Variants in TNFRSF8 observed in about 807,000 individuals in gnomAD.
TNFRSF8 encodes the protein TNF receptor superfamily member 8.
In TNFRSF8, 26 loss-of-function variants were observed where a neutral mutation model predicts 70.8. The ratio of observed to expected loss-of-function variants is 0.37; its 90% CI spans 0.27 to 0.51. The LOEUF (loss-of-function observed/expected upper bound fraction) is 0.51, where lower values mean the gene tolerates loss of function less well. Ranked by LOEUF, TNFRSF8 falls within the 20% of genes least tolerant of loss-of-function variation. The pLI is 0.94. For synonymous variants in TNFRSF8, 356 were observed against 339.2 expected, an observed-to-expected ratio of 1.05 and a Z score of -0.54; for missense variants, 720 against 807.9, an observed-to-expected ratio of 0.89 and a Z score of 1.32.
chr1:12,093,658 A>G (rs1815529), intron 2 of TNFRSF8, among the ~76,000 whole-genome samples: 3,970 of 152,076 alleles, frequency 0.026, 173 homozygotes, highest in African/African-American at 0.086. Context: ...CTCCTGCCTC[A>G]GCCTCCCAGG....
At chr1:12,131,657 C>G (rs1024301776) in intron 12 of TNFRSF8, among the ~76,000 whole-genome samples, 1 of 150,970 alleles carries the variant, frequency 6.6e-6, no homozygotes, top group Non-Finnish European at 1.5e-5. Flanking sequence ...CCACGCCCAG[C>G]TAACTTTTCT....
intron 4 of TNFRSF8, among the ~76,000 whole-genome samples, chr1:12,107,233 A>G (rs899621739): frequency 3.3e-5 from 5 of 152,306 alleles, no homozygotes; most frequent in African/African-American, 9.6e-5. Flanking sequence ...CGTCTCTACT[A>G]AAAATACAAA....
chr1:12,085,255 C>T (rs1421029541), intron 2 of TNFRSF8, among the ~76,000 whole-genome samples: 1 of 152,104 alleles, frequency 6.6e-6, no homozygotes, highest in African/African-American at 2.4e-5. Context: ...GGATTACCGG[C>T]ATGCACCACC....
intron 1 of TNFRSF8, 75 bp from the exon 2 acceptor site, chr1:12,084,389 C>T: frequency 7.3e-7 from 1 of 1,376,634 alleles, no homozygotes; most frequent in South Asian, 1.2e-5. Context: ...CTCAGGCCTC[C>T]TGGGACTGGT....
At chr1:12,118,117 C>A (rs72861995) in intron 8 of TNFRSF8, among the ~76,000 whole-genome samples, 15,349 of 151,716 alleles carry the variant, frequency 0.1, 1,144 homozygotes, top group African/African-American at 0.2. Flanking sequence ...CCCCCCCCAC[C>A]CTTTTCTTTT....
chr1:12,136,149 A>G (rs972932991), intron 13 of TNFRSF8, among the ~76,000 whole-genome samples: 13 of 150,842 alleles, frequency 8.6e-5, no homozygotes, highest in Admixed American at 2.6e-4. Context: ...AAGGGTTTCT[A>G]TCCTTTCATT....
In TNFRSF8 at chr1:12,123,335, C is replaced by A. The variant is rs777521542; in HGVS notation, c.998C>A (p.Pro333Gln). 8 of 1,613,432 alleles carry A rather than the reference C, an allele frequency of 5.0e-6. No individual in the cohort carries two copies. In the East Asian group the frequency reaches 1.8e-4, roughly 36 times the overall value. ...TFEAPPLGTQ[P>Q]DCNPTPENGE... ...GAGGCGCCACCCCTGGGGACCCAGC[C>A]GGACTGCAACCCCACCCCAGAGAAT... Residue 333 changes from proline to glutamine, a missense_variant, in exon 9 of 15, where the codon CCG becomes CAG. Physicochemically the swap from Pro to Gln is moderately conservative, Grantham distance 76. Coordinates refer to ENST00000263932, the MANE Select transcript of TNFRSF8 (RefSeq NM_001243.5).
rs1642183011 is a variant in TNFRSF8, at chr1:12,138,201, T to G, written c.1336-28T>G. On this transcript the variant is annotated intron_variant, in intron 13 of 14. Transcript: ENST00000263932. The surrounding 1 kb of genome is among the most constrained non-coding windows in gnomAD (Gnocchi z 5.7). ...ACTGGTGGGGAGGTTGGGGGTACCCTGCAGCAGCACCCATTCCCGTCCCAC... is the reference window on the plus strand; with the variant it reads ...ACTGGTGGGGAGGTTGGGGGTACCCGGCAGCAGCACCCATTCCCGTCCCAC... 6.2e-7 allele frequency: 1 copy of G among 1,608,236 alleles called. No individual in the cohort carries two copies. The highest frequency in any genetic ancestry group is 1.1e-5 in the South Asian group (1 of 90,864).
chr1:12,104,247 C>A, intron 3 of TNFRSF8, 132 bp from the exon 4 acceptor site: 2 of 881,756 alleles, frequency 2.3e-6, no homozygotes, highest in South Asian at 1.6e-5. Flanking sequence ...TTTTAGTGGT[C>A]ACCAGGGGGT....
rs11569854 is a variant in TNFRSF8, at chr1:12,104,751, C to G, written c.421+220C>G. Among the ~76,000 whole-genome samples, 435 of 152,300 alleles carry G rather than the reference C, an allele frequency of 2.9e-3. 3 individuals carry two copies. The highest frequency in any genetic ancestry group is 0.01 in the African/African-American group (416 of 41,562). On this transcript the variant is annotated intron_variant, in intron 4 of 14. Coordinates refer to ENST00000263932, the MANE Select transcript of TNFRSF8 (RefSeq NM_001243.5). ...CAGGTGCAGAGAGACCCTGCTGTCCCCTGGCATAGACCTGGCTGGAGGAGG... is the reference window on the plus strand; with the variant it reads ...CAGGTGCAGAGAGACCCTGCTGTCCGCTGGCATAGACCTGGCTGGAGGAGG...
intron 2 of TNFRSF8, among the ~76,000 whole-genome samples, chr1:12,091,582 A>G (rs1489426804): frequency 1.3e-5 from 2 of 152,164 alleles, no homozygotes; most frequent in Non-Finnish European, 1.5e-5. Context: ...TGATCAGGAA[A>G]GTTCCATGAG....
intron 12 of TNFRSF8, among the ~76,000 whole-genome samples, chr1:12,126,869 G>A (rs1178254287): frequency 6.6e-6 from 1 of 152,242 alleles, no homozygotes; most frequent in Non-Finnish European, 1.5e-5. Context: ...TGGAGTACCT[G>A]CCTGCAATCG....
rs981996924 is a variant in TNFRSF8 at position 12,104,632 on chromosome 1, C to T, written c.421+101C>T. The T allele has an allele frequency of 2.5e-5, 36 of 1,412,220 alleles. No individual in the cohort carries two copies. The East Asian group carries it at 3.3e-4, about 13-fold the overall frequency. The allele number at this position is 1,412,220 out of a possible 1,614,324, so 87.5% of individuals were successfully genotyped here. ...TGTTGACTTCCGACCTCCCGCTTCC[C>T]GGAGACTGTTGGACAGATCATGTCT... is the stretch of plus-strand genomic sequence containing the variant. On this transcript the variant is annotated intron_variant, in intron 4 of 14. Coordinates refer to ENST00000263932, the MANE Select transcript of TNFRSF8 (RefSeq NM_001243.5).
chr1:12,104,385 T>G lies in TNFRSF8; in HGVS notation c.275T>G (p.Leu92Arg). The change falls in exon 4 of 15, where the codon CTC becomes CGC. Residue 92 changes from leucine to arginine, a missense_variant. Transcript: ENST00000263932. ...CCCTGTCTGTGTCCCTTAGACGACC[T>G]CGTGGAGAAGACGCCGTGTGCATGG... ...TACVTCSRDD[L>R]VEKTPCAWNS... 1 of 1,614,118 alleles carries G rather than the reference T, an allele frequency of 6.2e-7. No individual in the cohort carries two copies. The highest frequency in any genetic ancestry group is 8.5e-7 in the Non-Finnish European group (1 of 1,180,030).
intron 1 of TNFRSF8, among the ~76,000 whole-genome samples, chr1:12,066,930 G>A (rs925338423): frequency 1.3e-5 from 2 of 152,230 alleles, no homozygotes; most frequent in Non-Finnish European, 2.9e-5. Flanking sequence ...TGGGATTACA[G>A]GCGTGAGCCA....
rs1024299477 is a variant in TNFRSF8 at position 12,141,443 on chromosome 1, G to A, written c.1544-844G>A. On this transcript the variant is annotated intron_variant, in intron 14 of 14. Coordinates refer to ENST00000263932, the MANE Select transcript of TNFRSF8 (RefSeq NM_001243.5). The surrounding 1 kb of genome is among the most constrained non-coding windows in gnomAD (Gnocchi z 5.4). ...AGAAGCCCCCACATCAGACTGTGGCGAGGACCGGCCCTCCGTCCAAGCTCC... is the reference window on the plus strand; with the variant it reads ...AGAAGCCCCCACATCAGACTGTGGCAAGGACCGGCCCTCCGTCCAAGCTCC... 6.6e-6 allele frequency among the ~76,000 whole-genome samples: 1 copy of A among 152,248 alleles called. No individual in the cohort carries two copies. Among genetic ancestry groups the A allele is most frequent in the African/African-American group, 2.4e-5 (1 of 41,460 alleles).
chr1:12,097,451 T>C (rs1222834421), intron 3 of TNFRSF8, among the ~76,000 whole-genome samples: 1 of 152,166 alleles, frequency 6.6e-6, no homozygotes, highest in Non-Finnish European at 1.5e-5. Flanking sequence ...AGGACTCACA[T>C]TTTTTTGAGT....
At chr1:12,083,501 C>T (rs1641100820) in intron 1 of TNFRSF8, among the ~76,000 whole-genome samples, 1 of 152,122 alleles carries the variant, frequency 6.6e-6, no homozygotes, top group African/African-American at 2.4e-5. Context: ...CCAGCCTGAC[C>T]AACATGGTGA....
intron 12 of TNFRSF8, among the ~76,000 whole-genome samples, chr1:12,126,857 C>T (rs58140100): frequency 0.022 from 3,326 of 152,352 alleles, 121 homozygotes; most frequent in African/African-American, 0.076. Context: ...TTAAGCGCAT[C>T]GTGGAGTACC....
Sources: allele counts gnomAD v4.1 joint callset (sites outside exome capture counted in the v4.1 genomes callset), GRCh38; gene constraint gnomAD v4.1.1; non-coding constraint Gnocchi (gnomAD v3.1); transcripts MANE v1.5; gene names NCBI Gene and HGNC (gene_info 2026-07-23, HGNC 2026-07-21).